The following CSMD3 variants were observed in gnomAD, a reference collection of about 807,000 sequenced individuals.
CSMD3 encodes the protein CUB and Sushi multiple domains 3, also known as CUB and sushi domain-containing protein 3.
In CSMD3, 177 loss-of-function variants were observed where a neutral mutation model predicts 435.2. The observed-to-expected ratio is 0.41, with a 90% CI of 0.36 to 0.46. The LOEUF is 0.46. CSMD3 is among the 20% of genes least tolerant of loss of function. The pLI, the probability that CSMD3 is intolerant of heterozygous loss-of-function variation, is 0.34. For synonymous variants in CSMD3, 1,656 were observed against 1,520.5 expected, an observed-to-expected ratio of 1.09 and a Z score of -2.07; for missense variants, 4,265 against 4,504.6, an observed-to-expected ratio of 0.95 and a Z score of 1.52.
At chr8:112,344,027 T>C (rs1292371977) in intron 41 of CSMD3, among the ~76,000 whole-genome samples, 1 of 152,006 alleles carries the variant, frequency 6.6e-6, no homozygotes, top group African/African-American at 2.4e-5. Flanking sequence ...CGACTACAGG[T>C]GCGTGCCACC....
chr8:112,952,139 T>C (rs1290668332), intron 8 of CSMD3, among the ~76,000 whole-genome samples: 1 of 151,234 alleles, frequency 6.6e-6, no homozygotes, highest in African/African-American at 2.4e-5. Flanking sequence ...AATTCAGAGT[T>C]CAGGTATAAA....
At chr8:112,396,964 C>G (rs1246375779) in intron 35 of CSMD3, among the ~76,000 whole-genome samples, 1 of 152,002 alleles carries the variant, frequency 6.6e-6, no homozygotes, top group Non-Finnish European at 1.5e-5. Flanking sequence ...AATTCAAAGA[C>G]CTTGGGGCAG....
chr8:112,699,391 C>A (rs543774582), intron 13 of CSMD3, among the ~76,000 whole-genome samples: 1 of 152,038 alleles, frequency 6.6e-6, no homozygotes, highest in Non-Finnish European at 1.5e-5. Flanking sequence ...TGCTTGAAGT[C>A]GGCAAGACCT....
chr8:112,437,452 G>A (rs997777553), intron 32 of CSMD3, among the ~76,000 whole-genome samples: 2 of 152,114 alleles, frequency 1.3e-5, no homozygotes, highest in African/African-American at 4.8e-5. Context: ...CCTTTGTCAC[G>A]ACGGAATATG....
At chr8:112,686,840 G>A (rs1191420264) in intron 14 of CSMD3, among the ~76,000 whole-genome samples, 4 of 151,808 alleles carry the variant, frequency 2.6e-5, no homozygotes, top group African/African-American at 9.7e-5. Context: ...ACTAAATTAT[G>A]TTTTCCTTAT....
chr8:113,215,480 A>G lies in CSMD3; in HGVS notation c.515-41564T>C, dbSNP rs982805032. Among the ~76,000 whole-genome samples the G allele has an allele frequency of 2.6e-5, 4 of 151,652 alleles. No individual in the cohort carries two copies. In the Admixed American group the frequency reaches 2.6e-4, roughly 10 times the overall value. ...GCTAATCAAACTGGAAGTGCCTTCA[A>G]ATTAATTGTAGGTGACCTTGGGAAA... On this transcript the variant is annotated intron_variant, in intron 3 of 70. Coordinates refer to ENST00000297405, the MANE Select transcript of CSMD3 (RefSeq NM_198123.2).
At chr8:112,991,579 T>C (rs1267639742) in intron 6 of CSMD3, among the ~76,000 whole-genome samples, 2 of 151,842 alleles carry the variant, frequency 1.3e-5, no homozygotes, top group East Asian at 1.9e-4. Context: ...GGTGAGTAAA[T>C]TCTAGAATTT....
intron 3 of CSMD3, among the ~76,000 whole-genome samples, chr8:113,274,078 A>G (rs531243107): frequency 6.0e-4 from 91 of 152,192 alleles, no homozygotes; most frequent in Admixed American, 1.8e-3. Context: ...ATAAAAGTAT[A>G]CTTTACATTT....
intron 10 of CSMD3, among the ~76,000 whole-genome samples, chr8:112,885,465 A>G (rs2081563942): frequency 6.6e-6 from 1 of 151,654 alleles, no homozygotes; most frequent in Non-Finnish European, 1.5e-5. Context: ...GAAATATTTA[A>G]GGTAATGCTG....
intron 8 of CSMD3, among the ~76,000 whole-genome samples, chr8:112,952,722 A>G (rs1344783664): frequency 6.6e-6 from 1 of 151,562 alleles, no homozygotes; most frequent in African/African-American, 2.4e-5. Context: ...ATGAAAAACC[A>G]AGAGTATTTA....
chr8:112,667,094 T>C lies in CSMD3; in HGVS notation c.2678-679A>G, dbSNP rs1009296803. Among the ~76,000 whole-genome samples, 10 of 152,154 alleles carry C rather than the reference T, an allele frequency of 6.6e-5. No homozygotes were observed. In the East Asian group the frequency reaches 1.5e-3, roughly 23 times the overall value. On this transcript the variant is annotated intron_variant, in intron 16 of 70. Transcript: ENST00000297405. ...AGCTCACACACAATTGAAACCACAA[T>C]GATAGCATTGTAGTTCCAGTAAGTA...
chr8:112,311,278 A>G (rs561661590), intron 49 of CSMD3, 112 bp from the exon 50 acceptor site: 2 of 830,094 alleles, frequency 2.4e-6, no homozygotes, highest in East Asian at 2.6e-5. Context: ...GTGGTCATCT[A>G]TGTAAATTTT....
intron 13 of CSMD3, among the ~76,000 whole-genome samples, chr8:112,778,055 A>G (rs1388922891): frequency 6.6e-6 from 1 of 151,844 alleles, no homozygotes; most frequent in Admixed American, 6.6e-5. Context: ...AAAATCAATA[A>G]TCTTTGTTTT....
chr8:113,327,959 T>A (rs1049514336), intron 1 of CSMD3, among the ~76,000 whole-genome samples: 2 of 152,114 alleles, frequency 1.3e-5, no homozygotes, highest in Admixed American at 1.3e-4. Context: ...AATGCTAAGC[T>A]GAGAGAGAAC....
In CSMD3 at chr8:112,275,191, T is replaced by A. The variant is rs575373377; in HGVS notation, c.9508+5983A>T. Among the ~76,000 whole-genome samples, 51 of 152,032 alleles carry A rather than the reference T, an allele frequency of 3.4e-4. No homozygotes were observed. The South Asian group carries it at 0.01, about 31-fold the overall frequency. Reference sequence around the variant, plus strand: ...CAATAAAAAAAAAAGCAAAACTATATGTATAAGTACATTTTTCACACTGCT... The same window carrying A: ...CAATAAAAAAAAAAGCAAAACTATAAGTATAAGTACATTTTTCACACTGCT... On this transcript the variant is annotated intron_variant, in intron 59 of 70. Coordinates refer to ENST00000297405, the MANE Select transcript of CSMD3 (RefSeq NM_198123.2).
intron 8 of CSMD3, among the ~76,000 whole-genome samples, chr8:112,953,188 A>G (rs907947850): frequency 1.3e-5 from 2 of 151,566 alleles, no homozygotes; most frequent in African/African-American, 4.8e-5. Flanking sequence ...TATTGGCTAC[A>G]CAAAATATTA....
intron 6 of CSMD3, among the ~76,000 whole-genome samples, chr8:112,981,220 T>A (rs934592891): frequency 6.6e-6 from 1 of 151,280 alleles, no homozygotes; most frequent in Admixed American, 6.6e-5. Flanking sequence ...ACTGCAGCAA[T>A]TAAATTATGA....
At chr8:112,418,931 A>G (rs567452415) in intron 32 of CSMD3, among the ~76,000 whole-genome samples, 30 of 152,312 alleles carry the variant, frequency 2.0e-4, no homozygotes, top group African/African-American at 6.0e-4. Flanking sequence ...GGTTATGCAT[A>G]TAAGAAGTAT....
chr8:112,500,873 T>C (rs1035724228), intron 30 of CSMD3, among the ~76,000 whole-genome samples: 3 of 147,398 alleles, frequency 2.0e-5, no homozygotes, highest in Non-Finnish European at 3.0e-5. Flanking sequence ...GAAGACAATA[T>C]AGCCCCTGCC....
Sources: allele counts gnomAD v4.1 joint callset (sites outside exome capture counted in the v4.1 genomes callset), GRCh38; gene constraint gnomAD v4.1.1; transcripts MANE v1.5; gene names NCBI Gene and HGNC (gene_info 2026-07-23, HGNC 2026-07-21).